CLEC20A: variants seen among roughly 807,000 people sequenced by gnomAD.
CLEC20A encodes the protein putative C-type lectin domain family 20 member A.
intron 5 of CLEC20A, chr1:178,483,554 G>A (rs980446211): frequency 2.0e-5 from 6 of 296,816 alleles, no homozygotes; most frequent in Non-Finnish European, 3.1e-5. Context: ...GCAATGTTAG[G>A]AGGTTTTTCC....
chr1:178,490,288 T>C (rs577797079), exon 4 of CLEC20A: 1 of 398,708 alleles, frequency 2.5e-6, no homozygotes, highest in South Asian at 1.3e-4. Context: ...TCACTCATGA[T>C]GGATCTCAAG....
At chr1:178,482,207 G>A (rs1202870798) in intron 7 of CLEC20A, 105 bp downstream of exon 7, 1 of 397,140 alleles carries the variant, frequency 2.5e-6, no homozygotes, top group African/African-American at 2.1e-5. Flanking sequence ...AACAAGATGA[G>A]GTCATATTCC....
chr1:178,490,219 T>G (rs1251359740), exon 4 of CLEC20A: 2 of 398,714 alleles, frequency 5.0e-6, no homozygotes, highest in African/African-American at 4.1e-5. Flanking sequence ...CCCAGGTCAC[T>G]GGACCAGCTC....
chr1:178,495,535 CT>C (rs1461781935), intron 1 of CLEC20A, among the ~76,000 whole-genome samples: 1 of 152,162 alleles, frequency 6.6e-6, no homozygotes, highest in East Asian at 1.9e-4. Context: ...GGGAAGAGAC[CT>C]TTTTGCTTGT....
chr1:178,482,270 C>G, intron 7 of CLEC20A, 42 bp downstream of exon 7: 1 of 398,458 alleles, frequency 2.5e-6, no homozygotes, highest in Non-Finnish European at 4.4e-6. Context: ...TTGCAATGTC[C>G]AATCATCTGA....
At chr1:178,490,991 C>T (rs910875347) in intron 3 of CLEC20A, among the ~76,000 whole-genome samples, 99 of 152,268 alleles carry the variant, frequency 6.5e-4, no homozygotes, top group African/African-American at 1.9e-3. Flanking sequence ...CTAGACTCAC[C>T]GTGCCTGGAG....
exon 4 of CLEC20A, chr1:178,490,406 C>A (rs2101872230): frequency 5.0e-6 from 2 of 398,692 alleles, no homozygotes. Context: ...GGTCAAATCG[C>A]ATGAAGGTCT....
At chr1:178,497,252 C>A, upstream of CLEC20A, 1 of 318,186 alleles carries the variant, frequency 3.1e-6, no homozygotes, top group Non-Finnish European at 5.7e-6. Context: ...CTCTTACCTT[C>A]TCCTGCCTTC....
intron 4 of CLEC20A, among the ~76,000 whole-genome samples, chr1:178,489,237 C>A (rs1649221418): frequency 6.6e-6 from 1 of 151,996 alleles, no homozygotes; most frequent in African/African-American, 2.4e-5. Context: ...GTAGTGGGCA[C>A]CTGTAACCCC....
exon 2 of CLEC20A, chr1:178,494,697 G>A: frequency 2.5e-6 from 1 of 399,346 alleles, no homozygotes. Context: ...AGGCCACTTG[G>A]CTGCAGGTCA....
At chr1:178,490,971 T>C (rs1649254269) in intron 3 of CLEC20A, among the ~76,000 whole-genome samples, 1 of 152,110 alleles carries the variant, frequency 6.6e-6, no homozygotes. Flanking sequence ...AGATGAACTG[T>C]GCGATGTTCC....
chr1:178,489,992 T>C (rs1649234911), intron 4 of CLEC20A, 80 bp downstream of exon 4: 3 of 398,064 alleles, frequency 7.5e-6, no homozygotes, highest in Non-Finnish European at 1.3e-5. Flanking sequence ...CTCAATGTCA[T>C]CTGCTGCCAA....
intron 5 of CLEC20A, among the ~76,000 whole-genome samples, chr1:178,487,770 C>T (rs1363108872): frequency 2.0e-5 from 3 of 152,198 alleles, no homozygotes; most frequent in African/African-American, 7.2e-5. Flanking sequence ...AGTGAATGAA[C>T]GAGGCTCTGC....
chr1:178,491,142 G>A (rs1180256627), intron 3 of CLEC20A, among the ~76,000 whole-genome samples: 1 of 152,202 alleles, frequency 6.6e-6, no homozygotes, highest in African/African-American at 2.4e-5. Context: ...CCCTGCCTGA[G>A]GCTGGACTGG....
chr1:178,481,771 A>G (rs1648992459), intron 7 of CLEC20A: 1 of 152,234 alleles, frequency 6.6e-6, no homozygotes, highest in African/African-American at 2.4e-5. Flanking sequence ...GCAGTGAGCT[A>G]TAATCACACC....
At chr1:178,483,247 C>G (rs1387445988) in exon 6 of CLEC20A, 1 of 398,560 alleles carries the variant, frequency 2.5e-6, no homozygotes, top group Non-Finnish European at 4.4e-6. Flanking sequence ...GCAGCTGTAT[C>G]TCTTCTATCA....
chr1:178,490,336 C>A, exon 4 of CLEC20A: 1 of 398,646 alleles, frequency 2.5e-6, no homozygotes, highest in Non-Finnish European at 4.4e-6. Flanking sequence ...ATCTGCAGGT[C>A]GGCCAGATCC....
intron 5 of CLEC20A, among the ~76,000 whole-genome samples, chr1:178,487,803 A>C (rs979984387): frequency 6.6e-6 from 1 of 152,208 alleles, no homozygotes; most frequent in Non-Finnish European, 1.5e-5. Flanking sequence ...AAGTGCCCTC[A>C]CTTTTCTGTG....
chr1:178,482,449 C>G (rs1649014052), intron 6 of CLEC20A, 52 bp from the exon 7 acceptor site: 1 of 398,264 alleles, frequency 2.5e-6, no homozygotes, highest in African/African-American at 2.1e-5. Context: ...ATTTCCATTT[C>G]AAGTTCTTAG....
Sources: gnomAD v4.1 joint callset for allele counts (sites outside exome capture counted in the v4.1 genomes callset) on GRCh38, gnomAD v4.1.1 for gene constraint, MANE v1.5 for transcripts, NCBI Gene and HGNC (gene_info 2026-07-23, HGNC 2026-07-21) for gene names.